Variants in TBC1D5 observed in about 807,000 individuals in gnomAD.
TBC1D5 encodes the protein TBC1 domain family, member 5.
Under a neutral mutation model 100.3 loss-of-function variants are expected in TBC1D5, and 75 were observed. The observed-to-expected ratio is 0.75, with a 90% CI of 0.62 to 0.91. The LOEUF (loss-of-function observed/expected upper bound fraction) is 0.91. TBC1D5 is among the 40% of genes least tolerant of loss of function. TBC1D5 has a pLI of 0.00. For synonymous variants in TBC1D5, 323 were observed against 325.6 expected (o/e 0.99, Z 0.09); for missense variants, 910 against 942.4 (o/e 0.97, Z 0.45).
At chr3:17,661,740 T>C (rs1200415713) in intron 1 of TBC1D5, among the ~76,000 whole-genome samples, 2 of 152,092 alleles carry the variant, frequency 1.3e-5, no homozygotes, top group African/African-American at 4.8e-5. Flanking sequence ...CCTTGTAATC[T>C]GCCCACCTCA....
At chr3:17,275,791 A>G (rs2079930988) in intron 15 of TBC1D5, among the ~76,000 whole-genome samples, 1 of 152,132 alleles carries the variant, frequency 6.6e-6, no homozygotes. Context: ...TAGGTAATGG[A>G]CTGTGTAATT....
At chr3:17,726,843 C>T (rs1577835560) in intron 1 of TBC1D5, among the ~76,000 whole-genome samples, 1 of 152,138 alleles carries the variant, frequency 6.6e-6, no homozygotes, top group South Asian at 2.1e-4. Flanking sequence ...ATTTTTATAT[C>T]TTAATCACTA....
At position 17,665,075 on chromosome 3, in the gene TBC1D5, G is replaced by A. The variant is rs199733290; in HGVS notation, c.-100-41162C>T. 11 of 111,436 alleles carry A rather than the reference G, an allele frequency of 9.9e-5. No individual in the cohort carries two copies. In the East Asian group the frequency reaches 3.3e-3, roughly 33 times the overall value. 6.9% of individuals were successfully genotyped at this position (111,436 alleles called of 1,614,324 possible). Reference sequence around the variant, plus strand: ...AAGGAAGAAGAAAGGAAAAAAAAACGGTTAAGGCCAGGAGGAAGCATCTCA... The same window carrying A: ...AAGGAAGAAGAAAGGAAAAAAAAACAGTTAAGGCCAGGAGGAAGCATCTCA... On this transcript the variant is annotated intron_variant, in intron 1 of 21. Coordinates refer to ENST00000253692, the Ensembl canonical transcript of TBC1D5.
chr3:17,405,854 C>G (rs535013427), intron 5 of TBC1D5, among the ~76,000 whole-genome samples: 17 of 151,848 alleles, frequency 1.1e-4, no homozygotes. Context: ...GTTTAGAAAA[C>G]AAAAACAAAT....
intron 2 of TBC1D5, among the ~76,000 whole-genome samples, chr3:17,603,722 G>A (rs1354076936): frequency 6.6e-6 from 1 of 152,062 alleles, no homozygotes; most frequent in African/African-American, 2.4e-5. Context: ...CTGGAGTGCA[G>A]TGGCGCAATC....
intron 3 of TBC1D5, among the ~76,000 whole-genome samples, chr3:17,483,668 G>C (rs1323441372): frequency 5.3e-5 from 8 of 151,992 alleles, no homozygotes; most frequent in Non-Finnish European, 1.0e-4. Context: ...AAATTAATCA[G>C]AATCAAATCA....
chr3:17,350,339 G>A (rs938226732), intron 13 of TBC1D5, among the ~76,000 whole-genome samples: 2 of 152,154 alleles, frequency 1.3e-5, no homozygotes, highest in African/African-American at 4.8e-5. Context: ...GAATAAAAGT[G>A]ATAGCCTTTC....
chr3:17,383,882 A>G (rs747860235), intron 9 of TBC1D5, 31 bp downstream of exon 9: 4 of 1,547,794 alleles, frequency 2.6e-6, no homozygotes, highest in South Asian at 1.2e-5. Flanking sequence ...TTTTGAGTCA[A>G]TGGATGCCAC....
rs564108047 is a variant in TBC1D5 at position 17,574,531 on chromosome 3, C to T, written c.-36+49318G>A. 2.6e-5 allele frequency among the ~76,000 whole-genome samples: 4 copies of T among 152,196 alleles called. No homozygotes were observed. The Middle Eastern group carries it at 0.014, about 518-fold the overall frequency. On this transcript the variant is annotated intron_variant, in intron 2 of 21. Coordinates refer to ENST00000253692, the Ensembl canonical transcript of TBC1D5. ...GGAGTCTGCAAAATGACAGTTAATT[C>T]GTGGACTGTGGCAAAGAAGACAGAA...
At chr3:17,698,534 T>G (rs1369711337) in intron 1 of TBC1D5, among the ~76,000 whole-genome samples, 1 of 151,350 alleles carries the variant, frequency 6.6e-6, no homozygotes, top group East Asian at 2.0e-4. Context: ...AAAGCCAAAA[T>G]TGACAAATGG....
intron 18 of TBC1D5, among the ~76,000 whole-genome samples, chr3:17,190,468 A>C (rs150655412): frequency 6.6e-6 from 1 of 152,344 alleles, no homozygotes; most frequent in East Asian, 1.9e-4. Flanking sequence ...AGGAGGCAGG[A>C]AAGTATGGCA....
intron 1 of TBC1D5, among the ~76,000 whole-genome samples, chr3:17,665,351 AT>A (rs2067147908): frequency 6.6e-6 from 1 of 152,216 alleles, no homozygotes; most frequent in Admixed American, 6.5e-5. Context: ...TCATATCTTT[AT>A]AAAAGTTTGC....
intron 4 of TBC1D5, among the ~76,000 whole-genome samples, chr3:17,426,272 A>T (rs960350392): frequency 6.6e-6 from 1 of 152,188 alleles, no homozygotes; most frequent in Non-Finnish European, 1.5e-5. Context: ...ATTCTGCAAC[A>T]ATCCCTAGAT....
At chr3:17,264,179 C>T (rs1215975057) in intron 15 of TBC1D5, among the ~76,000 whole-genome samples, 1 of 151,942 alleles carries the variant, frequency 6.6e-6, no homozygotes, top group Non-Finnish European at 1.5e-5. Flanking sequence ...TATTTAAATG[C>T]TAATTCACAC....
chr3:17,631,131 G>A (rs1042472913), intron 1 of TBC1D5, among the ~76,000 whole-genome samples: 5 of 151,486 alleles, frequency 3.3e-5, no homozygotes, highest in Admixed American at 2.6e-4. Flanking sequence ...AATTAAAAGT[G>A]CTATTCCAAT....
chr3:17,352,737 G>T (rs2090774871), intron 13 of TBC1D5, among the ~76,000 whole-genome samples: 1 of 144,866 alleles, frequency 6.9e-6, no homozygotes, highest in African/African-American at 2.6e-5. Flanking sequence ...GGTTCTCCTT[G>T]CCCTTTTATA....
intron 1 of TBC1D5, among the ~76,000 whole-genome samples, chr3:17,654,193 T>G (rs1313631797): frequency 6.6e-6 from 1 of 152,146 alleles, no homozygotes; most frequent in Non-Finnish European, 1.5e-5. Context: ...TATTTTAAAT[T>G]TACTATTAAA....
intron 2 of TBC1D5, among the ~76,000 whole-genome samples, chr3:17,580,356 C>A (rs1484743911): frequency 6.6e-6 from 1 of 151,892 alleles, no homozygotes; most frequent in African/African-American, 2.4e-5. Flanking sequence ...AAGAAAAAAA[C>A]CACAAAGGAG....
chr3:17,405,541 T>C (rs1026118594), intron 5 of TBC1D5, among the ~76,000 whole-genome samples: 87 of 152,128 alleles, frequency 5.7e-4, no homozygotes, highest in Non-Finnish European at 9.0e-4. Flanking sequence ...TAAAATAAAT[T>C]TGGATTTAGA....
Sources: allele counts gnomAD v4.1 joint callset (sites outside exome capture counted in the v4.1 genomes callset), GRCh38; gene constraint gnomAD v4.1.1; transcripts MANE v1.5; gene names NCBI Gene and HGNC (gene_info 2026-07-23, HGNC 2026-07-21).